Variants in ASAP1 observed in about 807,000 individuals in gnomAD.
The protein encoded by ASAP1 is ArfGAP with SH3 domain, ankyrin repeat and PH domain 1.
In ASAP1, 43 loss-of-function variants were observed where a neutral mutation model predicts 145.2. The observed-to-expected ratio is 0.30, with a 90% CI of 0.23 to 0.38. ASAP1 has a LOEUF of 0.38. Among genes scored for constraint, ASAP1 ranks in the 10% least tolerant of loss-of-function variants. The pLI is 1.00. For missense variants in ASAP1, 1,018 were observed against 1,355.3 expected, an observed-to-expected ratio of 0.75 and a Z score of 3.91; for synonymous variants, 546 against 515.5, an observed-to-expected ratio of 1.06 and a Z score of -0.80.
At chr8:130,070,551 G>T (rs187055051) in intron 27 of ASAP1, among the ~76,000 whole-genome samples, 1 of 151,976 alleles carries the variant, frequency 6.6e-6, no homozygotes, top group East Asian at 1.9e-4. Context: ...CAGTTCCTGG[G>T]GCTTATGGCA....
intron 3 of ASAP1, among the ~76,000 whole-genome samples, chr8:130,276,502 A>T (rs1445730200): frequency 6.6e-6 from 1 of 152,150 alleles, no homozygotes; most frequent in Non-Finnish European, 1.5e-5. Flanking sequence ...GGTCTATGCT[A>T]CTGACAGGTA....
intron 7 of ASAP1, among the ~76,000 whole-genome samples, chr8:130,184,708 T>C (rs534069477): frequency 1.4e-4 from 21 of 152,344 alleles, no homozygotes; most frequent in African/African-American, 4.8e-4. Context: ...GTAAAAGCAC[T>C]ATCTGATGTT....
intron 1 of ASAP1, among the ~76,000 whole-genome samples, chr8:130,405,960 T>C (rs1369775574): frequency 2.6e-5 from 4 of 151,576 alleles, no homozygotes; most frequent in African/African-American, 9.7e-5. Context: ...GTCAAGAAAG[T>C]AATCTAGGTT....
chr8:130,286,975 A>G (rs1189454799), intron 3 of ASAP1, among the ~76,000 whole-genome samples: 1 of 152,212 alleles, frequency 6.6e-6, no homozygotes, highest in Non-Finnish European at 1.5e-5. Flanking sequence ...AGGGGGTCAA[A>G]AAGGCGAATG....
At chr8:130,399,814 C>CTT (rs66587581) in intron 2 of ASAP1, among the ~76,000 whole-genome samples, 32 of 124,538 alleles carry the variant, frequency 2.6e-4, no homozygotes, top group Middle Eastern at 4.0e-3. Context: ...AAGTCAGTGT[C>CTT]TTTTTTTTTT....
At chr8:130,205,304 A>G (rs957294512) in intron 5 of ASAP1, among the ~76,000 whole-genome samples, 19 of 151,826 alleles carry the variant, frequency 1.3e-4, no homozygotes, top group Non-Finnish European at 2.6e-4. Context: ...TGCAAAAGCC[A>G]CAAGCTGAAA....
At chr8:130,431,582 T>C (rs1316178453) in intron 1 of ASAP1, among the ~76,000 whole-genome samples, 10 of 152,106 alleles carry the variant, frequency 6.6e-5, no homozygotes, top group Admixed American at 6.5e-4. Context: ...GGCTCAAGGA[T>C]TACACCTTGT....
chr8:130,066,435 TC>T (rs1296163988), intron 27 of ASAP1, among the ~76,000 whole-genome samples: 2 of 152,156 alleles, frequency 1.3e-5, no homozygotes, highest in Non-Finnish European at 2.9e-5. Context: ...GGTCTTGAAC[TC>T]CTGGGCTCAA....
intron 3 of ASAP1, among the ~76,000 whole-genome samples, chr8:130,309,541 T>C (rs113493720): frequency 5.5e-4 from 83 of 152,104 alleles, no homozygotes; most frequent in Non-Finnish European, 8.5e-4. Flanking sequence ...AGATAAGCAG[T>C]GAGGCAAGAC....
intron 9 of ASAP1, among the ~76,000 whole-genome samples, chr8:130,177,997 C>T (rs11774633): frequency 0.61 from 92,184 of 152,044 alleles, 29,932 homozygotes; most frequent in African/African-American, 0.86. Flanking sequence ...TACAGTTAAC[C>T]AGCTGCAGAG....
At chr8:130,180,935 T>C in intron 7 of ASAP1, 55 bp from the exon 8 acceptor site, 1 of 1,478,392 alleles carries the variant, frequency 6.8e-7, no homozygotes. Flanking sequence ...TCATGTACAA[T>C]ACCAACAGCA....
At chr8:130,253,368 G>C (rs1022923184) in intron 3 of ASAP1, among the ~76,000 whole-genome samples, 1 of 152,318 alleles carries the variant, frequency 6.6e-6, no homozygotes, top group East Asian at 1.9e-4. Context: ...ACTTGGAAGA[G>C]AGCAAACCCT....
chr8:130,171,926 A>C (rs1381816290), intron 9 of ASAP1, among the ~76,000 whole-genome samples: 1 of 152,206 alleles, frequency 6.6e-6, no homozygotes, highest in Non-Finnish European at 1.5e-5. Context: ...CTGATACTGC[A>C]CTTAAGTGAT....
chr8:130,064,893 ATGTGTGTGTGTGTGTGTGTGTGTGTG>A (rs34905534), intron 27 of ASAP1, among the ~76,000 whole-genome samples: 67 of 142,656 alleles, frequency 4.7e-4, no homozygotes, highest in African/African-American at 1.6e-3. Flanking sequence ...TTTACTAAGA[ATGTGTGTGTGTGTGTGTGTGTGTGTG>A]TGTGTGTGTG....
chr8:130,401,994 G>A, intron 1 of ASAP1, 24 bp from the exon 2 acceptor site: 1 of 1,510,596 alleles, frequency 6.6e-7, no homozygotes, highest in South Asian at 1.1e-5. Flanking sequence ...AGGACAAAAA[G>A]GGGACAAGAG....
At chr8:130,275,623 C>A (rs538112772) in intron 3 of ASAP1, among the ~76,000 whole-genome samples, 1 of 151,326 alleles carries the variant, frequency 6.6e-6, no homozygotes, top group Admixed American at 6.6e-5. Context: ...CAGGATGCAA[C>A]TTCAGTTAAA....
At chr8:130,220,952 A>C (rs1331843921) in intron 4 of ASAP1, among the ~76,000 whole-genome samples, 1 of 152,196 alleles carries the variant, frequency 6.6e-6, no homozygotes, top group African/African-American at 2.4e-5. Context: ...AACCACCCCC[A>C]TGATTCAATA....
At chr8:130,223,690 T>C (rs1002181851) in intron 4 of ASAP1, among the ~76,000 whole-genome samples, 3 of 152,062 alleles carry the variant, frequency 2.0e-5, no homozygotes, top group Non-Finnish European at 4.4e-5. Context: ...TCATCTAGTA[T>C]CTGGTATACA....
In ASAP1 at chr8:130,441,619, G is replaced by A. The variant is rs996120447; in HGVS notation, c.-28+1841C>T. On this transcript the variant is annotated intron_variant, in intron 1 of 29. Coordinates refer to ENST00000518721, the MANE Select transcript of ASAP1 (RefSeq NM_018482.4). ...GGTGCAGCATGGAGATGCCAGCTGG[G>A]ACGTGAGTCTTCACAAGGGAGGGCT... 3.9e-5 allele frequency among the ~76,000 whole-genome samples: 6 copies of A among 152,320 alleles called. 1 individual carries two copies. Among genetic ancestry groups the A allele is most frequent in the African/African-American group, 1.4e-4 (6 of 41,568 alleles).
Sources: allele counts gnomAD v4.1 joint callset (sites outside exome capture counted in the v4.1 genomes callset), GRCh38; gene constraint gnomAD v4.1.1; transcripts MANE v1.5; gene names NCBI Gene and HGNC (gene_info 2026-07-23, HGNC 2026-07-21).